The following PCDHA9 variants were observed in gnomAD, a reference collection of about 807,000 sequenced individuals.
PCDHA9 encodes protocadherin alpha-9.
PCDHA9 carries 62 observed loss-of-function variants against 62.0 expected under a neutral mutation model. The ratio of observed to expected loss-of-function variants is 1.00; its 90% CI spans 0.81 to 1.23. The LOEUF is 1.23. PCDHA9 is among the 50% of genes most tolerant of loss of function. PCDHA9 has a pLI of 0.00. For synonymous variants in PCDHA9, 557 were observed against 567.6 expected (o/e 0.98, Z 0.27); for missense variants, 1,205 against 1,249.8 (o/e 0.96, Z 0.54).
At chr5:140,927,925 C>G in intron 1 of PCDHA9, 4 of 1,614,214 alleles carry the variant, frequency 2.5e-6, no homozygotes, top group Non-Finnish European at 8.5e-7. Flanking sequence ...CTTCCTGACT[C>G]TTTCGAACCC....
intron 1 of PCDHA9, among the ~76,000 whole-genome samples, chr5:140,887,368 T>C (rs2061428699): frequency 6.6e-6 from 1 of 152,174 alleles, no homozygotes; most frequent in Non-Finnish European, 1.5e-5. Context: ...AGTGCTGGGA[T>C]TACAGGTGTG....
chr5:140,851,342 C>G, intron 1 of PCDHA9: 1 of 978,740 alleles, frequency 1.0e-6, no homozygotes, highest in Non-Finnish European at 1.2e-6. Context: ...CTCTACATTT[C>G]TCTGGATGGA....
intron 1 of PCDHA9, among the ~76,000 whole-genome samples, chr5:140,958,381 T>G (rs1554223451): frequency 6.6e-6 from 1 of 152,280 alleles, no homozygotes; most frequent in South Asian, 2.1e-4. Context: ...GCTATTTTCT[T>G]AACAGGTCAT....
intron 1 of PCDHA9, chr5:140,871,274 C>T (rs1554165360): frequency 6.2e-7 from 1 of 1,613,824 alleles, no homozygotes; most frequent in East Asian, 2.2e-5. Flanking sequence ...TGGTGGTCGG[C>T]AACGCCCACT....
chr5:140,906,985 G>A (rs1418384427), intron 1 of PCDHA9, among the ~76,000 whole-genome samples: 1 of 152,170 alleles, frequency 6.6e-6, no homozygotes, highest in East Asian at 1.9e-4. Context: ...TCTGGTGGCA[G>A]CATTCCTCCC....
chr5:140,915,504 T>C (rs1554196920), intron 1 of PCDHA9, among the ~76,000 whole-genome samples: 1 of 152,136 alleles, frequency 6.6e-6, no homozygotes, highest in Non-Finnish European at 1.5e-5. Context: ...AATACTGTGG[T>C]TTTTGCAGAC....
intron 1 of PCDHA9, among the ~76,000 whole-genome samples, chr5:140,889,476 C>G (rs2062241146): frequency 6.6e-6 from 1 of 152,054 alleles, no homozygotes; most frequent in South Asian, 2.1e-4. Flanking sequence ...TATGCTCATA[C>G]TTTCTACAGA....
At chr5:140,961,001 C>A (rs2095583358) in intron 1 of PCDHA9, among the ~76,000 whole-genome samples, 1 of 152,144 alleles carries the variant, frequency 6.6e-6, no homozygotes, top group Non-Finnish European at 1.5e-5. Context: ...CAATTTGCTG[C>A]TGGACTGCAT....
At chr5:140,997,978 C>A (rs1205743045) in intron 3 of PCDHA9, among the ~76,000 whole-genome samples, 2 of 152,182 alleles carry the variant, frequency 1.3e-5, no homozygotes, top group Admixed American at 1.3e-4. Context: ...TTGGACTGCA[C>A]TTGTTACATA....
At chr5:140,854,157 C>G in intron 1 of PCDHA9, 1 of 165,326 alleles carries the variant, frequency 6.0e-6, no homozygotes. Flanking sequence ...AAGATTCTGT[C>G]TCAAAAAAAA....
intron 1 of PCDHA9, chr5:140,866,616 C>G (rs1470168934): frequency 6.6e-6 from 1 of 152,048 alleles, no homozygotes; most frequent in Non-Finnish European, 1.5e-5. Context: ...TGGAGAACCT[C>G]CTGGGGTTCT....
At position 140,876,570 on chromosome 5, in the gene PCDHA9, T is replaced by A. The variant is rs782551095; in HGVS notation, c.2394+25681T>A. 5.7e-5 allele frequency: 92 copies of A among 1,614,172 alleles called. No individual in the cohort carries two copies. In the East Asian group the frequency reaches 2.0e-3, roughly 35 times the overall value. On this transcript the variant is annotated intron_variant, in intron 1 of 3. Coordinates refer to ENST00000532602, the MANE Select transcript of PCDHA9 (RefSeq NM_031857.2). The stretch of plus-strand genomic sequence containing the variant: ...CTGTGCAAGAGGATGCTCAGGTGGG[T>A]ACCGTCATTGCCCTGATTAGCGTGT...
chr5:140,878,622 T>A (rs1163171601), intron 1 of PCDHA9, among the ~76,000 whole-genome samples: 1 of 152,244 alleles, frequency 6.6e-6, no homozygotes, highest in African/African-American at 2.4e-5. Flanking sequence ...GCATTTTACA[T>A]ATTTTAACTT....
intron 1 of PCDHA9, among the ~76,000 whole-genome samples, chr5:140,959,996 A>T (rs1042631849): frequency 3.3e-5 from 5 of 152,228 alleles, no homozygotes; most frequent in Admixed American, 6.5e-5. Context: ...GATATGAAAT[A>T]CAAATCTATT....
At chr5:140,858,549 G>C in intron 1 of PCDHA9, 1 of 1,394,430 alleles carries the variant, frequency 7.2e-7, no homozygotes, top group South Asian at 1.2e-5. Context: ...TTCCATTTAT[G>C]CTTGAATATT....
At chr5:140,927,994 G>C in intron 1 of PCDHA9, 1 of 1,614,180 alleles carries the variant, frequency 6.2e-7, no homozygotes, top group Non-Finnish European at 8.5e-7. Flanking sequence ...AAAGGATGAA[G>C]ACCTCGATTC....
intron 1 of PCDHA9, chr5:140,966,973 G>C (rs782189736): frequency 6.2e-7 from 1 of 1,602,934 alleles, no homozygotes; most frequent in Non-Finnish European, 8.5e-7. Context: ...GGCTTGAGCT[G>C]CGGCGCTTGG....
At chr5:140,982,391 G>T (rs539713475) in intron 2 of PCDHA9, 84 bp from the exon 3 acceptor site, 2 of 1,597,556 alleles carry the variant, frequency 1.3e-6, no homozygotes, top group South Asian at 1.1e-5. Flanking sequence ...TGGCTTCATA[G>T]TTGTAAGCAA....
chr5:140,850,133 C>T lies in PCDHA9; in HGVS notation c.1638C>T (p.Gly546=). 6.3e-7 allele frequency: 1 copy of T among 1,595,806 alleles called. No homozygotes were observed. The highest frequency in any genetic ancestry group is 8.6e-7 in the Non-Finnish European group (1 of 1,167,838). The change falls in exon 1 of 4, where the codon GGC becomes GGT. Residue 546 remains glycine, a synonymous_variant. Transcript: ENST00000532602. ...SARDAGVPPL[G]SNVTLQVFVL... is the part of the protein sequence containing the mutation. ...GCGACGCGGGCGTGCCGCCTCTGGG[C>T]AGCAACGTGACGCTGCAGGTGTTCG... is the stretch of plus-strand genomic sequence containing the variant.
Sources: allele counts gnomAD v4.1 joint callset (sites outside exome capture counted in the v4.1 genomes callset), GRCh38; gene constraint gnomAD v4.1.1; transcripts MANE v1.5; gene names NCBI Gene and HGNC (gene_info 2026-07-23, HGNC 2026-07-21).